The following KAT6B variants were observed in gnomAD, a reference collection of about 807,000 sequenced individuals.
KAT6B encodes the protein lysine acetyltransferase 6B.
Under a neutral mutation model 187.5 loss-of-function variants are expected in KAT6B, and 10 were observed. The observed-to-expected ratio is 0.05, with a 90% CI of 0.03 to 0.09. The LOEUF (loss-of-function observed/expected upper bound fraction) is 0.09. Among genes scored for constraint, KAT6B ranks in the 10% least tolerant of loss-of-function variants. KAT6B has a pLI of 1.00. For missense variants in KAT6B, 1,952 were observed against 2,558.9 expected (o/e 0.76, Z 5.12); for synonymous variants, 861 against 926.8 (o/e 0.93, Z 1.29).
Position 75,030,035 on chromosome 10 carries a change from A to G in KAT6B, c.5211A>G (p.Gln1737=). Residue 1737 remains glutamine (Q), a synonymous_variant, in exon 18 of 18, where the codon CAA becomes CAG. Coordinates refer to ENST00000287239, the MANE Select transcript of KAT6B (RefSeq NM_012330.4). This position sits in a 1 kb window ranked among gnomAD's most constrained non-coding sequence, Gnocchi z 4.8. ...NISGSCSMLQ[Q]TSISSPPTCS... ...GCGGGAGCTGCAGCATGCTGCAGCA[A>G]ACCAGCATCAGCTCCCCTCCGACCT... is the stretch of plus-strand genomic sequence containing the variant. 2.5e-6 allele frequency: 4 copies of G among 1,614,198 alleles called. No individual in the cohort carries two copies. The highest frequency in any genetic ancestry group is 3.4e-6 in the Non-Finnish European group (4 of 1,180,034).
rs373696238 is a variant in KAT6B, at chr10:75,024,994, C to A, written c.3409C>A (p.Arg1137Ser). Residue 1137 changes from arginine to serine, a missense_variant, in exon 17 of 18, where the codon CGC (arginine) becomes AGC (serine). Around this residue, in one of 9 missense-constraint regions of KAT6B, gnomAD observed 758 missense variants for 891.4 expected, o/e 0.85. Coordinates refer to ENST00000287239, the MANE Select transcript of KAT6B (RefSeq NM_012330.4). Reference protein sequence around the residue: ...FVLKKKRGRKRRRINSSVTTE... With the variant: ...FVLKKKRGRKSRRINSSVTTE... ...ACTAAAGAAGAAAAGGGGTCGTAAA[C>A]GCAGGAGGATCAACAGCAGTGTAAC... 1.5e-5 allele frequency: 24 copies of A among 1,614,008 alleles called. No individual in the cohort carries two copies. In the African/African-American group the frequency reaches 3.2e-4, roughly 22 times the overall value.
chr10:74,908,549 C>CAAAA (rs10715826), intron 3 of KAT6B, among the ~76,000 whole-genome samples: 15 of 109,440 alleles, frequency 1.4e-4, no homozygotes, highest in African/African-American at 3.5e-4. Context: ...GACCCCGTCT[C>CAAAA]AAAAAAAAAA....
intron 4 of KAT6B, among the ~76,000 whole-genome samples, chr10:74,963,745 C>T (rs1347674352): frequency 4.6e-5 from 7 of 152,186 alleles, no homozygotes; most frequent in African/African-American, 1.4e-4. Flanking sequence ...CTTAGTCATC[C>T]AGTTTCACAT....
chr10:74,872,192 G>A (rs754582982), intron 3 of KAT6B, among the ~76,000 whole-genome samples: 23 of 152,306 alleles, frequency 1.5e-4, no homozygotes, highest in South Asian at 6.2e-4. Flanking sequence ...ACAGAGAGCA[G>A]CTCAAAATAT....
rs183843728 is a variant in KAT6B at position 74,915,557 on chromosome 10, T to C, written c.622-44413T>C. 1.6e-3 allele frequency among the ~76,000 whole-genome samples: 246 copies of C among 152,350 alleles called. 1 individual carries two copies. The highest frequency in any genetic ancestry group is 5.1e-3 in the African/African-American group (212 of 41,578). On this transcript the variant is annotated intron_variant, in intron 3 of 17. Transcript: ENST00000287239. ...ATAATGACATCACATTTATTAGTAT[T>C]GTCTCATTGTAAACCCCAGTAAGGC...
intron 3 of KAT6B, among the ~76,000 whole-genome samples, chr10:74,923,364 GTC>G (rs1217306921): frequency 6.6e-6 from 1 of 152,202 alleles, no homozygotes; most frequent in Non-Finnish European, 1.5e-5. Flanking sequence ...AAACAGACAA[GTC>G]TCTGCCCTCA....
chr10:74,893,499 C>T (rs573940661), intron 3 of KAT6B, among the ~76,000 whole-genome samples: 1 of 148,312 alleles, frequency 6.7e-6, no homozygotes, highest in South Asian at 2.1e-4. Context: ...GACAGAGTTT[C>T]GTTCTTGTTG....
chr10:74,881,786 TG>T (rs1315002216), intron 3 of KAT6B, among the ~76,000 whole-genome samples: 15 of 152,288 alleles, frequency 9.8e-5, no homozygotes, highest in African/African-American at 3.1e-4. Flanking sequence ...TCCAAGTAAC[TG>T]GGACTACAGT....
Position 74,874,813 on chromosome 10 carries a change from G to A in KAT6B, c.621+31335G>A, listed in dbSNP as rs576852028. The stretch of plus-strand genomic sequence containing the variant: ...TGTTTTGTGTGTGGGTGGTGTGTGT[G>A]GGGTGTGTGTGTGTGTGTATGTGTG... On this transcript the variant is annotated intron_variant, in intron 3 of 17. Coordinates refer to ENST00000287239, the MANE Select transcript of KAT6B (RefSeq NM_012330.4). Among the ~76,000 whole-genome samples the A allele has an allele frequency of 1.9e-3, 295 of 151,928 alleles. 3 individuals carry two copies. The South Asian group carries it at 0.027, about 14-fold the overall frequency.
At chr10:74,958,276 G>A (rs1201440492) in intron 3 of KAT6B, among the ~76,000 whole-genome samples, 3 of 152,188 alleles carry the variant, frequency 2.0e-5, no homozygotes, top group Admixed American at 6.5e-5. Context: ...TGCCTACTAT[G>A]CACCAGGAAA....
intron 2 of KAT6B, among the ~76,000 whole-genome samples, chr10:74,841,894 C>T (rs1841770256): frequency 1.3e-5 from 2 of 152,184 alleles, no homozygotes; most frequent in Admixed American, 1.3e-4. Context: ...AAGCATCTCT[C>T]AGAACAAATG....
Position 75,030,002 on chromosome 10 carries a change from C to A in KAT6B, c.5178C>A (p.Ser1726=). The change falls in exon 18 of 18, where the codon TCC becomes TCA. Residue 1726 remains serine, a synonymous_variant. Coordinates refer to ENST00000287239, the MANE Select transcript of KAT6B (RefSeq NM_012330.4). This position sits in a 1 kb window ranked among gnomAD's most constrained non-coding sequence, Gnocchi z 4.8. The stretch of plus-strand genomic sequence containing the variant: ...GCTGTGCTGTCACCCAGCAGATGTC[C>A]AACATCAGCGGGAGCTGCAGCATGC... ...QSSCAVTQQM[S]NISGSCSMLQ... is the part of the protein sequence containing the mutation. 1 of 1,614,162 alleles carries A rather than the reference C, an allele frequency of 6.2e-7. No homozygotes were observed. The highest frequency in any genetic ancestry group is 8.5e-7 in the Non-Finnish European group (1 of 1,180,016).
At chr10:74,958,939 G>A (rs1259779391) in intron 3 of KAT6B, among the ~76,000 whole-genome samples, 2 of 151,976 alleles carry the variant, frequency 1.3e-5, no homozygotes, top group Non-Finnish European at 2.9e-5. Context: ...TCAGGAGGCC[G>A]AGGCAAGAGA....
intron 10 of KAT6B, 60 bp downstream of exon 10, chr10:74,979,399 T>TAATAATATATATACTTCACTTACA: frequency 8.4e-7 from 1 of 1,192,446 alleles, no homozygotes; most frequent in African/African-American, 1.5e-5. Context: ...GAAAGGAAAA[T>TAATAATATATATACTTCACTTACA]TCTTGATTCT....
At chr10:75,017,683 G>T (rs1394351872) in intron 13 of KAT6B, among the ~76,000 whole-genome samples, 1 of 152,164 alleles carries the variant, frequency 6.6e-6, no homozygotes, top group Non-Finnish European at 1.5e-5. Flanking sequence ...ATGTTATGAG[G>T]GTCAGAGTAG....
chr10:74,942,478 A>G (rs1849742315), intron 3 of KAT6B, among the ~76,000 whole-genome samples: 1 of 152,010 alleles, frequency 6.6e-6, no homozygotes, highest in Non-Finnish European at 1.5e-5. Context: ...ATAAAAAGCC[A>G]TATCTGGCTG....
At chr10:74,844,093 C>G (rs1309140657) in intron 3 of KAT6B, among the ~76,000 whole-genome samples, 1 of 152,180 alleles carries the variant, frequency 6.6e-6, no homozygotes, top group Admixed American at 6.5e-5. Context: ...AGGCTGGTCT[C>G]AAGCTCCTGA....
chr10:75,014,390 AT>A (rs1298423784), intron 13 of KAT6B, among the ~76,000 whole-genome samples: 8 of 152,200 alleles, frequency 5.3e-5, no homozygotes, highest in African/African-American at 1.9e-4. Context: ...AGTTAAAGAG[AT>A]TTGTAAAACA....
In KAT6B at chr10:75,030,857, C is replaced by T. The variant is rs1368499965; in HGVS notation, c.6033C>T (p.Gly2011=). 3 of 1,614,046 alleles carry T rather than the reference C, an allele frequency of 1.9e-6. No homozygotes were observed. The highest frequency in any genetic ancestry group is 2.5e-6 in the Non-Finnish European group (3 of 1,180,036). Reference sequence around the variant, plus strand: ...ACAGTGGCTACCACAGCAATCATGGCTATATGAATCAAACGCCCCAATACC... The same window carrying T: ...ACAGTGGCTACCACAGCAATCATGGTTATATGAATCAAACGCCCCAATACC... ...MMNSGYHSNH[G]YMNQTPQYPM... Residue 2011 remains glycine (G), a synonymous_variant, in exon 18 of 18, where the codon GGC becomes GGT. Coordinates refer to ENST00000287239, the MANE Select transcript of KAT6B (RefSeq NM_012330.4). The surrounding 1 kb of genome is among the most constrained non-coding windows in gnomAD (Gnocchi z 4.8).
Sources: allele counts gnomAD v4.1 joint callset (sites outside exome capture counted in the v4.1 genomes callset), GRCh38; gene constraint gnomAD v4.1.1; regional missense constraint gnomAD v4.1.1; non-coding constraint Gnocchi (gnomAD v3.1); transcripts MANE v1.5; gene names NCBI Gene and HGNC (gene_info 2026-07-23, HGNC 2026-07-21).